NPHP4: variants seen among roughly 807,000 people sequenced by gnomAD.
The protein encoded by NPHP4 is nephrocystin-4.
Under a neutral mutation model 155.8 loss-of-function variants are expected in NPHP4, and 151 were observed. The observed-to-expected ratio is 0.97, with a 90% confidence interval of 0.85 to 1.11. The LOEUF is 1.11. NPHP4 is among the 50% of genes least tolerant of loss of function. The pLI, the probability that NPHP4 is intolerant of heterozygous loss-of-function variation, is 0.00. For synonymous variants in NPHP4, 845 were observed against 816.8 expected, an observed-to-expected ratio of 1.03 and a Z score of -0.59; for missense variants, 1,956 against 1,925.7, an observed-to-expected ratio of 1.02 and a Z score of -0.29.
At chr1:5,883,276 T>C (rs1380153642) in intron 18 of NPHP4, among the ~76,000 whole-genome samples, 1 of 151,828 alleles carries the variant, frequency 6.6e-6, no homozygotes, top group African/African-American at 2.4e-5. Flanking sequence ...CGGGCCACGC[T>C]GCCCTCCACA....
chr1:5,864,783 C>A (rs530232187), intron 27 of NPHP4: 4 of 538,578 alleles, frequency 7.4e-6, no homozygotes, highest in Non-Finnish European at 9.9e-6. Flanking sequence ...CTTAAAACCC[C>A]GGCCAGCTGG....
At chr1:5,956,567 T>C (rs1649282791) in intron 6 of NPHP4, among the ~76,000 whole-genome samples, 1 of 151,976 alleles carries the variant, frequency 6.6e-6, no homozygotes, top group Non-Finnish European at 1.5e-5. Context: ...GGCTCTGGAG[T>C]AAAGCACCTG....
rs773301274 is a variant in NPHP4 at position 5,879,775 on chromosome 1, GCGCACA to G, written c.2611+333_2611+338del. ...GGGCATTAACAGCACCACGAATGGT[GCGCACA>G]CACACACACACACGCAAACACACAC... On this transcript the variant is annotated intron_variant, in intron 19 of 29. Transcript: ENST00000378156. 47 of 328,434 alleles carry G rather than the reference GCGCACA, an allele frequency of 1.4e-4. 2 individuals carry two copies. The highest frequency in any genetic ancestry group is 2.8e-4 in the African/African-American group (10 of 35,508). The allele number at this position is 328,434 out of a possible 1,614,324, so 20.3% of individuals were successfully genotyped here. A position where few individuals can be genotyped will look rare whatever the true frequency, so the allele number is the denominator to read the frequency against.
At position 5,905,255 on chromosome 1, in the gene NPHP4, G is replaced by T; in HGVS notation, c.1955+37C>A. 1 of 1,539,860 alleles carries T rather than the reference G, an allele frequency of 6.5e-7. No homozygotes were observed. Among genetic ancestry groups the T allele is most frequent in the South Asian group, 1.1e-5 (1 of 89,634 alleles). ...AGTTTCTCTTCAACACAGGAAATGT[G>T]AAAGCCAGATGAGTAACAGAATATT... On this transcript the variant is annotated intron_variant, in intron 15 of 29. Coordinates refer to ENST00000378156, the MANE Select transcript of NPHP4 (RefSeq NM_015102.5). This position sits in a 1 kb window ranked among gnomAD's most constrained non-coding sequence, Gnocchi z 4.0.
intron 11 of NPHP4, among the ~76,000 whole-genome samples, chr1:5,923,771 C>G (rs1292706595): frequency 6.6e-6 from 1 of 152,196 alleles, no homozygotes; most frequent in African/African-American, 2.4e-5. Context: ...TAACAATTTT[C>G]AAAGCTTAAG....
At chr1:5,887,607 C>T in intron 17 of NPHP4, 141 bp from the exon 18 acceptor site, 2 of 821,806 alleles carry the variant, frequency 2.4e-6, no homozygotes, top group Non-Finnish European at 3.8e-6. Flanking sequence ...AGACCCTGCA[C>T]CACGCTGGGG....
chr1:5,969,086 C>T lies in NPHP4; in HGVS notation c.452+1G>A. 6.5e-7 allele frequency: 1 copy of T among 1,545,132 alleles called. No individual in the cohort carries two copies. Among genetic ancestry groups the T allele is most frequent in the South Asian group, 1.2e-5 (1 of 83,826 alleles). The stretch of plus-strand genomic sequence containing the variant: ...CAGGGTTGTAGAAACAAGGCAGGTA[C>T]CTTTTGTCCTGGGAAGCAGAGATAG... On this transcript the variant is annotated splice_donor_variant, in intron 4 of 29. Coordinates refer to ENST00000378156, the MANE Select transcript of NPHP4 (RefSeq NM_015102.5). LOFTEE classifies it high-confidence loss of function.
At chr1:5,897,942 C>T (rs1644475227) in intron 16 of NPHP4, among the ~76,000 whole-genome samples, 1 of 152,302 alleles carries the variant, frequency 6.6e-6, no homozygotes, top group South Asian at 2.1e-4. Flanking sequence ...AAACATGGCA[C>T]GGTTTCTGCA....
At position 5,963,689 on chromosome 1, in the gene NPHP4, C is replaced by CTT. The variant is rs57131022; in HGVS notation, c.518-1742_518-1741dup. ...AACGGGGTTTCCAACCTTTTCTTTT[C>CTT]TTTTTTTTTTTTTTTTTTGAGACAG... On this transcript the variant is annotated intron_variant, in intron 5 of 29. Transcript: ENST00000378156. Among the ~76,000 whole-genome samples, 308 of 122,898 alleles carry CTT rather than the reference C, an allele frequency of 2.5e-3. 3 individuals are homozygous for CTT. The highest frequency in any genetic ancestry group is 7.9e-3 in the African/African-American group (265 of 33,390). The allele number at this position is 122,898 out of a possible 152,430, so 80.6% of individuals were successfully genotyped here. A position where few individuals can be genotyped will look rare whatever the true frequency, so the allele number is the denominator to read the frequency against.
chr1:5,959,574 C>A (rs1012364672), intron 6 of NPHP4, among the ~76,000 whole-genome samples: 1 of 152,136 alleles, frequency 6.6e-6, no homozygotes, highest in African/African-American at 2.4e-5. Flanking sequence ...TCTACTGACA[C>A]CCACGGGCAA....
chr1:5,957,527 T>A (rs1338161864), intron 6 of NPHP4, among the ~76,000 whole-genome samples: 1 of 152,162 alleles, frequency 6.6e-6, no homozygotes, highest in East Asian at 1.9e-4. Flanking sequence ...CAGTGGGATA[T>A]TTAATTCAGC....
Position 5,892,034 on chromosome 1 carries a change from C to T in NPHP4, c.2144-1006G>A, listed in dbSNP as rs890783819. 2.6e-5 allele frequency among the ~76,000 whole-genome samples: 4 copies of T among 152,208 alleles called. No homozygotes were observed. The highest frequency in any genetic ancestry group is 6.5e-5 in the Admixed American group (1 of 15,284). The stretch of plus-strand genomic sequence containing the variant: ...CGGCGCTGGCCACAGCAGGAGCTCA[C>T]GGGGGCATCTTGGGGCAGAAAGGCA... On this transcript the variant is annotated intron_variant, in intron 16 of 29. Transcript: ENST00000378156. This position sits in a 1 kb window ranked among gnomAD's most constrained non-coding sequence, Gnocchi z 4.5.
Position 5,867,012 on chromosome 1 carries a change from G to A in NPHP4, c.3558+18C>T. The stretch of plus-strand genomic sequence containing the variant: ...ACTGGGAAGGATCTGCCTGAGCTGG[G>A]GCCACAACACAACCTACCACATTCT... On this transcript the variant is annotated intron_variant, in intron 25 of 29. Transcript: ENST00000378156. The surrounding 1 kb of genome is among the most constrained non-coding windows in gnomAD (Gnocchi z 4.1). The A allele has an allele frequency of 6.2e-7, 1 of 1,604,592 alleles. No homozygotes were observed. The highest frequency in any genetic ancestry group is 8.5e-7 in the Non-Finnish European group (1 of 1,172,614).
intron 20 of NPHP4, chr1:5,876,311 GCCTCCCTCTAGTC>G (rs1239492398): frequency 6.6e-6 from 1 of 152,332 alleles, no homozygotes; most frequent in Non-Finnish European, 1.5e-5. Flanking sequence ...CCCTGCCCTG[GCCTCCCTCTAGTC>G]CCTCCCTCCT....
At chr1:5,966,600 A>C (rs569419997) in intron 5 of NPHP4, among the ~76,000 whole-genome samples, 1 of 152,192 alleles carries the variant, frequency 6.6e-6, no homozygotes, top group East Asian at 1.9e-4. Flanking sequence ...CCTTCGAGGA[A>C]TCTGGGCAGC....
chr1:5,921,336 G>A (rs1394145664), intron 11 of NPHP4, among the ~76,000 whole-genome samples: 2 of 152,170 alleles, frequency 1.3e-5, no homozygotes, highest in Admixed American at 6.5e-5. Flanking sequence ...CACATGAACC[G>A]GTTGTTCTCT....
At position 5,863,152 on chromosome 1, in the gene NPHP4, G is replaced by C; in HGVS notation, c.*113C>G. Reference sequence around the variant, plus strand: ...CTCAGCCAAGTGCACAGGTCAGCCAGGTGGGCACTGAAGTGAAAGGCTGCA... The same window carrying C: ...CTCAGCCAAGTGCACAGGTCAGCCACGTGGGCACTGAAGTGAAAGGCTGCA... On this transcript the variant is annotated 3_prime_UTR_variant, in exon 30 of 30. Transcript: ENST00000378156. 1 of 1,160,364 alleles carries C rather than the reference G, an allele frequency of 8.6e-7. No homozygotes were observed. The highest frequency in any genetic ancestry group is 1.3e-6 in the Non-Finnish European group (1 of 772,894). 71.9% of individuals were successfully genotyped at this position (1,160,364 alleles called of 1,614,324 possible). A position where few individuals can be genotyped will look rare whatever the true frequency, so the allele number is the denominator to read the frequency against.
intron 4 of NPHP4, among the ~76,000 whole-genome samples, chr1:5,967,815 G>A (rs871780): frequency 0.17 from 26,152 of 151,946 alleles, 2,358 homozygotes; most frequent in African/African-American, 0.22. Flanking sequence ...CATCTAGTGC[G>A]TTGCCAGGGA....
In NPHP4 at chr1:5,986,137, A is replaced by G. The variant is rs1427711270; in HGVS notation, c.135+18T>C. On this transcript the variant is annotated intron_variant, in intron 2 of 29. Transcript: ENST00000378156. ...CTAAGAGCAATAACACGCATTTGCTAACAGCACATTTTGTTACCTGCCTAA... is the reference window on the plus strand; with the variant it reads ...CTAAGAGCAATAACACGCATTTGCTGACAGCACATTTTGTTACCTGCCTAA... 6.2e-7 allele frequency: 1 copy of G among 1,613,478 alleles called. No homozygotes were observed. Among genetic ancestry groups the G allele is most frequent in the Non-Finnish European group, 8.5e-7 (1 of 1,179,680 alleles).
Sources: allele counts gnomAD v4.1 joint callset (sites outside exome capture counted in the v4.1 genomes callset), GRCh38; gene constraint gnomAD v4.1.1; non-coding constraint Gnocchi (gnomAD v3.1); transcripts MANE v1.5; gene names NCBI Gene and HGNC (gene_info 2026-07-23, HGNC 2026-07-21).